The following CSGALNACT1 variants were observed in gnomAD, a reference collection of about 807,000 sequenced individuals.
CSGALNACT1 encodes the protein beta4GalNAcT-1.
Under a neutral mutation model 51.0 loss-of-function variants are expected in CSGALNACT1, and 52 were observed. The ratio of observed to expected loss-of-function variants is 1.02; its 90% CI spans 0.82 to 1.29. The LOEUF (loss-of-function observed/expected upper bound fraction) is 1.29. Ranked by LOEUF, CSGALNACT1 falls within the 50% of genes most tolerant of loss-of-function variation. The pLI is 0.00. For synonymous variants in CSGALNACT1, 341 were observed against 254.4 expected (o/e 1.34, Z -3.24); for missense variants, 935 against 679.2 (o/e 1.38, Z -4.19).
intron 5 of CSGALNACT1, among the ~76,000 whole-genome samples, chr8:19,444,973 C>T (rs1586165351): frequency 5.3e-5 from 8 of 152,134 alleles, no homozygotes; most frequent in Admixed American, 4.6e-4. Flanking sequence ...GCATGCAGGG[C>T]TCACTCTGGT....
At chr8:19,736,834 G>A (rs2064008287) in intron 1 of CSGALNACT1, among the ~76,000 whole-genome samples, 1 of 151,932 alleles carries the variant, frequency 6.6e-6, no homozygotes, top group South Asian at 2.1e-4. Context: ...GGGGAAAGAG[G>A]TTATTTTCAA....
At chr8:19,707,184 C>T (rs1160849014) in intron 1 of CSGALNACT1, among the ~76,000 whole-genome samples, 1 of 152,058 alleles carries the variant, frequency 6.6e-6, no homozygotes, top group Admixed American at 6.6e-5. Flanking sequence ...TTTGAAAACA[C>T]CAACAGTGTC....
intron 1 of CSGALNACT1, among the ~76,000 whole-genome samples, chr8:19,737,601 G>T (rs1304344904): frequency 1.4e-5 from 2 of 146,686 alleles, no homozygotes; most frequent in Non-Finnish European, 3.0e-5. Context: ...ATTGGAAAAA[G>T]AAAAAAAAAG....
chr8:19,630,778 T>G (rs772531690), intron 1 of CSGALNACT1, among the ~76,000 whole-genome samples: 28 of 152,204 alleles, frequency 1.8e-4, no homozygotes, highest in Admixed American at 9.8e-4. Context: ...TCAAGCTTCC[T>G]CCAGGTCTTC....
chr8:19,479,055 G>A (rs963726937), intron 4 of CSGALNACT1, among the ~76,000 whole-genome samples: 1 of 152,190 alleles, frequency 6.6e-6, no homozygotes, highest in South Asian at 2.1e-4. Context: ...AAACACCAAA[G>A]GTTACATGGT....
chr8:19,429,076 C>T (rs2059259751), intron 6 of CSGALNACT1, among the ~76,000 whole-genome samples: 1 of 152,134 alleles, frequency 6.6e-6, no homozygotes, highest in Non-Finnish European at 1.5e-5. Flanking sequence ...CCCCTCATAT[C>T]CCCAGCCCCT....
intron 3 of CSGALNACT1, among the ~76,000 whole-genome samples, chr8:19,588,212 A>G (rs1204594880): frequency 6.6e-6 from 1 of 152,106 alleles, no homozygotes; most frequent in Non-Finnish European, 1.5e-5. Flanking sequence ...CCTCAGCAAA[A>G]AAAAGAAAAA....
At chr8:19,631,743 G>C (rs1441682622) in intron 1 of CSGALNACT1, among the ~76,000 whole-genome samples, 1 of 152,154 alleles carries the variant, frequency 6.6e-6, no homozygotes, top group Non-Finnish European at 1.5e-5. Flanking sequence ...TGTTGACTAG[G>C]AGCCTCATAA....
intron 3 of CSGALNACT1, among the ~76,000 whole-genome samples, chr8:19,553,490 C>A (rs900375408): frequency 4.6e-5 from 7 of 151,522 alleles, no homozygotes; most frequent in African/African-American, 1.7e-4. Flanking sequence ...CTATCCCAAA[C>A]TCCTATCACT....
intron 6 of CSGALNACT1, among the ~76,000 whole-genome samples, chr8:19,435,012 G>C (rs1303191117): frequency 6.6e-6 from 1 of 151,982 alleles, no homozygotes; most frequent in Non-Finnish European, 1.5e-5. Flanking sequence ...CCCTGATAAC[G>C]ACAACAACCC....
At chr8:19,666,994 A>G (rs2059357290) in intron 1 of CSGALNACT1, among the ~76,000 whole-genome samples, 1 of 22,310 alleles carries the variant, frequency 4.5e-5, no homozygotes. Context: ...AAAGAAAGAA[A>G]GAAAGAAAGA....
chr8:19,490,562 C>T (rs2074147844), intron 4 of CSGALNACT1, among the ~76,000 whole-genome samples: 1 of 152,186 alleles, frequency 6.6e-6, no homozygotes, highest in African/African-American at 2.4e-5. Context: ...AGGCCAGGAG[C>T]ATGCGAAACC....
intron 5 of CSGALNACT1, among the ~76,000 whole-genome samples, chr8:19,447,193 A>T (rs935977009): frequency 2.0e-5 from 3 of 152,112 alleles, no homozygotes; most frequent in Non-Finnish European, 2.9e-5. Context: ...TTTCCTAAGC[A>T]CCTGCCTGGT....
At chr8:19,738,414 T>C (rs762891676) in intron 1 of CSGALNACT1, among the ~76,000 whole-genome samples, 1 of 152,276 alleles carries the variant, frequency 6.6e-6, no homozygotes, top group Middle Eastern at 3.4e-3. Context: ...GTATATGAAG[T>C]TCTTAAATTG....
At chr8:19,715,985 C>G (rs975344358) in intron 1 of CSGALNACT1, among the ~76,000 whole-genome samples, 1 of 152,166 alleles carries the variant, frequency 6.6e-6, no homozygotes, top group Non-Finnish European at 1.5e-5. Context: ...TATTACTTGT[C>G]AATCCATGCT....
intron 3 of CSGALNACT1, among the ~76,000 whole-genome samples, chr8:19,541,773 T>C (rs2085225435): frequency 6.6e-6 from 1 of 152,010 alleles, no homozygotes; most frequent in East Asian, 1.9e-4. Context: ...AGTGTTTATC[T>C]TAATAAATGT....
intron 3 of CSGALNACT1, among the ~76,000 whole-genome samples, chr8:19,506,680 C>A (rs1175798402): frequency 2.0e-5 from 3 of 152,168 alleles, no homozygotes; most frequent in African/African-American, 4.8e-5. Context: ...AGTTGGCACT[C>A]TTAGCTCCCA....
intron 3 of CSGALNACT1, among the ~76,000 whole-genome samples, chr8:19,581,614 A>G (rs191830312): frequency 3.9e-4 from 60 of 152,294 alleles, no homozygotes; most frequent in South Asian, 1.9e-3. Flanking sequence ...TAAAAACAAA[A>G]CAAAACAAAA....
chr8:19,478,614 A>C (rs2070472012), intron 4 of CSGALNACT1, among the ~76,000 whole-genome samples: 1 of 152,124 alleles, frequency 6.6e-6, no homozygotes, highest in South Asian at 2.1e-4. Flanking sequence ...AACATCATTC[A>C]CAGGCAGTCA....
Sources: gnomAD v4.1 joint callset for allele counts (sites outside exome capture counted in the v4.1 genomes callset) on GRCh38, gnomAD v4.1.1 for gene constraint, MANE v1.5 for transcripts, NCBI Gene and HGNC (gene_info 2026-07-23, HGNC 2026-07-21) for gene names.